The following MOXD1 variants were observed in gnomAD, a reference collection of about 807,000 sequenced individuals.
MOXD1 encodes the protein DBH-like monooxygenase protein 1.
MOXD1 carries 62 observed loss-of-function variants against 66.6 expected under a neutral mutation model. The ratio of observed to expected loss-of-function variants is 0.93; its 90% CI spans 0.76 to 1.15. The LOEUF (loss-of-function observed/expected upper bound fraction) is 1.15. Ranked by LOEUF, MOXD1 falls within the 50% of genes most tolerant of loss-of-function variation. The pLI is 0.00. For missense variants in MOXD1, 847 were observed against 754.6 expected (o/e 1.12, Z -1.44); for synonymous variants, 303 against 281.9 (o/e 1.07, Z -0.75).
At chr6:132,396,739 G>A (rs577029870) in intron 1 of MOXD1, among the ~76,000 whole-genome samples, 2 of 152,224 alleles carry the variant, frequency 1.3e-5, no homozygotes, top group Admixed American at 6.5e-5. Flanking sequence ...GGACTATTAT[G>A]AACAACAATA....
chr6:132,331,732 C>T (rs901934783), intron 4 of MOXD1, among the ~76,000 whole-genome samples: 1 of 152,164 alleles, frequency 6.6e-6, no homozygotes, highest in African/African-American at 2.4e-5. Context: ...GCCCAAAGTA[C>T]CACAGCTGGG....
At chr6:132,390,028 C>T (rs1191922787) in intron 1 of MOXD1, among the ~76,000 whole-genome samples, 11 of 151,232 alleles carry the variant, frequency 7.3e-5, no homozygotes, top group Admixed American at 5.3e-4. Context: ...AGAAAGAATA[C>T]AGAATATAAG....
At chr6:132,368,260 G>A (rs554266683) in intron 4 of MOXD1, among the ~76,000 whole-genome samples, 5 of 151,998 alleles carry the variant, frequency 3.3e-5, no homozygotes, top group African/African-American at 4.8e-5. Flanking sequence ...TTAAATTTAC[G>A]GTAAAGTCAC....
At position 132,322,721 on chromosome 6, in the gene MOXD1, G is replaced by C. The variant is rs559434767; in HGVS notation, c.1263C>G (p.Phe421Leu). 5.3e-5 allele frequency: 86 copies of C among 1,613,736 alleles called. No individual in the cohort carries two copies. The highest frequency in any genetic ancestry group is 7.2e-5 in the Non-Finnish European group (85 of 1,179,922). ...LAYDDDFDFN[F>L]QEFQYLKEEQ... ...CTTCCTTTAGATACTGAAACTCCTG[G>C]AAATTGAAGTCAAAATCATCATCAT... The change falls in exon 8 of 12, where the codon TTC (phenylalanine) becomes TTG (leucine). Residue 421 changes from phenylalanine to leucine, a missense_variant. Physicochemically the swap from Phe to Leu is conservative, Grantham distance 22 (BLOSUM62 0). Transcript: ENST00000367963.
chr6:132,311,114 C>T (rs1037858225), intron 10 of MOXD1, among the ~76,000 whole-genome samples: 3 of 152,152 alleles, frequency 2.0e-5, no homozygotes, highest in African/African-American at 7.2e-5. Flanking sequence ...CCAGAGAGAT[C>T]TCCCAAGGGA....
At position 132,324,018 on chromosome 6, in the gene MOXD1, G is replaced by T. The variant is rs150516086; in HGVS notation, c.1026C>A (p.Gly342=). 1 of 1,613,758 alleles carries T rather than the reference G, an allele frequency of 6.2e-7. No homozygotes were observed. Among genetic ancestry groups the T allele is most frequent in the Non-Finnish European group, 8.5e-7 (1 of 1,179,882 alleles). The stretch of plus-strand genomic sequence containing the variant: ...TGGTATGGAAGAGGCTCACCCAGAG[G>T]CCAGCCTCAATCACCCCAGCATCAT... ...RKYDAGVIEA[G]LWVSLFHTIP... The change falls in exon 7 of 12, where the codon GGC becomes GGA. Residue 342 remains glycine (G), a synonymous_variant. Coordinates refer to ENST00000367963, the MANE Select transcript of MOXD1 (RefSeq NM_015529.4).
chr6:132,395,431 A>T (rs1191360435), intron 1 of MOXD1, among the ~76,000 whole-genome samples: 3 of 152,160 alleles, frequency 2.0e-5, no homozygotes, highest in Non-Finnish European at 4.4e-5. Context: ...AAACCACAAA[A>T]CCACAATAAT....
intron 1 of MOXD1, chr6:132,391,009 A>T (rs1776748864): frequency 6.6e-6 from 1 of 151,480 alleles, no homozygotes; most frequent in Non-Finnish European, 1.5e-5. Flanking sequence ...GTTTGCTTTC[A>T]GGAGAAGAAG....
chr6:132,370,197 T>C (rs1776236670), intron 4 of MOXD1, among the ~76,000 whole-genome samples: 1 of 152,054 alleles, frequency 6.6e-6, no homozygotes, highest in Admixed American at 6.6e-5. Context: ...TTTCAAAACA[T>C]AGGAGTCTTT....
chr6:132,297,715 T>C, intron 11 of MOXD1, 72 bp downstream of exon 11: 1 of 1,480,726 alleles, frequency 6.8e-7, no homozygotes, highest in Non-Finnish European at 9.0e-7. Context: ...ATTTGTCTTC[T>C]CCTTAGGTTT....
At chr6:132,355,623 G>T (rs1775895841) in intron 4 of MOXD1, among the ~76,000 whole-genome samples, 3 of 152,124 alleles carry the variant, frequency 2.0e-5, no homozygotes. Context: ...CACTTGTTCA[G>T]CTGAGGCCTC....
chr6:132,342,485 T>C (rs1416304047), intron 4 of MOXD1, among the ~76,000 whole-genome samples: 1 of 152,256 alleles, frequency 6.6e-6, no homozygotes, highest in Non-Finnish European at 1.5e-5. Context: ...GTTCATTGTT[T>C]TACTACTTGC....
chr6:132,336,121 C>G lies in MOXD1; in HGVS notation c.664-7527G>C, dbSNP rs1315411414. 3.9e-5 allele frequency among the ~76,000 whole-genome samples: 6 copies of G among 152,280 alleles called. No homozygotes were observed. The East Asian group carries it at 9.6e-4, about 24-fold the overall frequency. ...ACATGAGAGGACGAGTGGAACACAGCTCTTCAAAAACAACTTGCAACTCGA... is the reference window on the plus strand; with the variant it reads ...ACATGAGAGGACGAGTGGAACACAGGTCTTCAAAAACAACTTGCAACTCGA... On this transcript the variant is annotated intron_variant, in intron 4 of 11. Coordinates refer to ENST00000367963, the MANE Select transcript of MOXD1 (RefSeq NM_015529.4).
At chr6:132,299,558 T>G (rs2114521173) in intron 10 of MOXD1, among the ~76,000 whole-genome samples, 1 of 152,200 alleles carries the variant, frequency 6.6e-6, no homozygotes, top group East Asian at 1.9e-4. Context: ...AAGAATGACA[T>G]GAGCAGACAG....
intron 10 of MOXD1, among the ~76,000 whole-genome samples, chr6:132,313,772 G>A (rs1159544219): frequency 1.3e-5 from 2 of 151,932 alleles, no homozygotes; most frequent in Admixed American, 1.3e-4. Flanking sequence ...AATATTAGCT[G>A]GGCGTGGTGG....
chr6:132,349,592 A>C (rs1408321908), intron 4 of MOXD1, among the ~76,000 whole-genome samples: 2 of 150,048 alleles, frequency 1.3e-5, no homozygotes, highest in Non-Finnish European at 3.0e-5. Flanking sequence ...TTCGTGGGCA[A>C]GTATCTTTTT....
At chr6:132,355,940 C>T (rs1392248871) in intron 4 of MOXD1, among the ~76,000 whole-genome samples, 5 of 152,148 alleles carry the variant, frequency 3.3e-5, no homozygotes, top group Admixed American at 2.6e-4. Context: ...CTACAAACAA[C>T]ATGGCCAACT....
chr6:132,352,228 G>A (rs1265683848), intron 4 of MOXD1, among the ~76,000 whole-genome samples: 1 of 152,104 alleles, frequency 6.6e-6, no homozygotes, highest in Non-Finnish European at 1.5e-5. Context: ...ACCTTAGAAT[G>A]TCAGTTTGTG....
At chr6:132,362,779 T>C (rs1443445747) in intron 4 of MOXD1, among the ~76,000 whole-genome samples, 2 of 152,178 alleles carry the variant, frequency 1.3e-5, no homozygotes, top group African/African-American at 4.8e-5. Context: ...TCCAATAAGA[T>C]TAGCAGTCTC....
Sources: gnomAD v4.1 joint callset for allele counts (sites outside exome capture counted in the v4.1 genomes callset) on GRCh38, gnomAD v4.1.1 for gene constraint, MANE v1.5 for transcripts, NCBI Gene and HGNC (gene_info 2026-07-23, HGNC 2026-07-21) for gene names.